Variants in MID1 observed in about 807,000 individuals in gnomAD.
MID1 encodes midline 1, also known as E3 ubiquitin-protein ligase Midline-1.
In MID1, 7 loss-of-function variants were observed where a neutral mutation model predicts 40.4. That is an observed-to-expected ratio of 0.17 (90% CI 0.10 to 0.33). The LOEUF (loss-of-function observed/expected upper bound fraction) is 0.33. MID1 is among the 10% of genes least tolerant of loss of function. MID1 has a pLI of 1.00. For synonymous variants in MID1, 229 were observed against 221.2 expected (o/e 1.04, Z -0.31); for missense variants, 367 against 558.5 (o/e 0.66, Z 3.46).
At chrX:10,823,804 T>C (rs1026111202) in intron 1 of MID1, among the ~76,000 whole-genome samples, 5 of 111,409 alleles carry the variant, frequency 4.5e-5, no homozygotes, top group Non-Finnish European at 7.5e-5. Flanking sequence ...AGCCATGAAA[T>C]GGTCTTGGAA....
At chrX:10,467,000 G>A (rs1178609057) in intron 7 of MID1, among the ~76,000 whole-genome samples, 2 of 111,692 alleles carry the variant, frequency 1.8e-5, no homozygotes, top group Non-Finnish European at 3.8e-5. Context: ...TGTGGAAGGA[G>A]AGATATTCAA....
chrX:10,807,363 A>G (rs1405439275), intron 1 of MID1, among the ~76,000 whole-genome samples: 1 of 112,442 alleles, frequency 8.9e-6, no homozygotes, highest in Non-Finnish European at 1.9e-5. Context: ...ACTTTCTATT[A>G]GCTCACAGTT....
intron 1 of MID1, among the ~76,000 whole-genome samples, chrX:10,658,196 T>C (rs190264691): frequency 9.1e-6 from 1 of 109,906 alleles, no homozygotes; most frequent in Admixed American, 9.8e-5. Flanking sequence ...ATGCTAACCA[T>C]TTGAATAGGG....
At chrX:10,604,201 G>C (rs764341079) in intron 1 of MID1, among the ~76,000 whole-genome samples, 3 of 111,109 alleles carry the variant, frequency 2.7e-5, no homozygotes, top group Non-Finnish European at 5.7e-5. Flanking sequence ...GCTAAAAACA[G>C]TCTTTTGAAA....
chrX:10,550,877 T>TCCTCATGATACCTCATGATA (rs1428823670), intron 2 of MID1, among the ~76,000 whole-genome samples: 1 of 110,831 alleles, frequency 9.0e-6, no homozygotes, highest in African/African-American at 3.3e-5. Context: ...TACCCTATGG[T>TCCTCATGATACCTCATGATA]CCTCATGATA....
Position 10,719,730 on chromosome X carries a change from G to A in MID1, c.-186-99311C>T, listed in dbSNP as rs867857749. ...TTCATATGGAACCAAAAAAGAGCCCGCATCACCAAGTCAATCCTAAGCCAA... is the reference window on the plus strand; with the variant it reads ...TTCATATGGAACCAAAAAAGAGCCCACATCACCAAGTCAATCCTAAGCCAA... On this transcript the variant is annotated intron_variant, in intron 1 of 10. Transcript: ENST00000380785. 9.3e-3 allele frequency among the ~76,000 whole-genome samples: 1,034 copies of A among 110,785 alleles called. 12 individuals carry two copies. The highest frequency in any genetic ancestry group is 0.015 in the Non-Finnish European group (789 of 52,881).
chrX:10,805,182 T>C (rs1439512507), intron 1 of MID1, among the ~76,000 whole-genome samples: 3 of 109,148 alleles, frequency 2.7e-5, no homozygotes, highest in African/African-American at 1.0e-4. Context: ...AACTTGTCAT[T>C]TAGCATTAGG....
At chrX:10,628,103 G>A (rs1385890987) in intron 1 of MID1, among the ~76,000 whole-genome samples, 1 of 110,223 alleles carries the variant, frequency 9.1e-6, no homozygotes, top group Non-Finnish European at 1.9e-5. Context: ...CATTTTTAAT[G>A]GCCAAGGAAA....
chrX:10,594,928 G>A (rs1452571672), intron 1 of MID1, among the ~76,000 whole-genome samples: 1 of 108,231 alleles, frequency 9.2e-6, no homozygotes, highest in Non-Finnish European at 1.9e-5. Context: ...TGGTTGACAT[G>A]TGATGCAATT....
chrX:10,604,333 C>T (rs1270087115), intron 1 of MID1, among the ~76,000 whole-genome samples: 2 of 111,180 alleles, frequency 1.8e-5, no homozygotes, highest in Non-Finnish European at 3.8e-5. Flanking sequence ...CATGAGAAAA[C>T]CTGAAATTTA....
chrX:10,579,935 T>C (rs1016705622), intron 1 of MID1, among the ~76,000 whole-genome samples: 1 of 109,371 alleles, frequency 9.1e-6, no homozygotes, highest in East Asian at 2.9e-4. Context: ...GAAAACAGGA[T>C]ATTAAGAACA....
At chrX:10,511,423 C>T (rs188032729) in intron 3 of MID1, among the ~76,000 whole-genome samples, 1 of 111,389 alleles carries the variant, frequency 9.0e-6, no homozygotes, top group African/African-American at 3.3e-5. Context: ...CTCTGTCACT[C>T]AGGCTGGAGT....
chrX:10,731,945 C>T (rs919762987), intron 1 of MID1, among the ~76,000 whole-genome samples: 4 of 78,303 alleles, frequency 5.1e-5, no homozygotes, highest in African/African-American at 5.5e-5. Context: ...CTGTCCTGGG[C>T]GACAGAGCAA....
chrX:10,462,573 C>T (rs570267812), intron 7 of MID1, among the ~76,000 whole-genome samples: 19 of 112,203 alleles, frequency 1.7e-4, no homozygotes, highest in Middle Eastern at 4.6e-3. Flanking sequence ...TCACCTCCTC[C>T]GACTCAGTTT....
intron 2 of MID1, among the ~76,000 whole-genome samples, chrX:10,529,520 C>G (rs1932902499): frequency 8.9e-6 from 1 of 112,158 alleles, no homozygotes; most frequent in Non-Finnish European, 1.9e-5. Flanking sequence ...TTGTTGTCAT[C>G]TCGTCCATGA....
intron 1 of MID1, among the ~76,000 whole-genome samples, chrX:10,662,658 C>G (rs763678185): frequency 8.9e-6 from 1 of 111,936 alleles, no homozygotes; most frequent in Non-Finnish European, 1.9e-5. Flanking sequence ...ATAATATATA[C>G]TGCTGATTGT....
At chrX:10,469,599 TTTCC>T in intron 7 of MID1, 94 bp downstream of exon 7, 1 of 1,210,783 alleles carries the variant, frequency 8.3e-7, no homozygotes, top group Non-Finnish European at 1.1e-6. Context: ...TTGTGTGTTC[TTTCC>T]TTCCTTGTCT....
chrX:10,623,174 C>T (rs1935955430), upstream of MID1, among the ~76,000 whole-genome samples: 1 of 105,962 alleles, frequency 9.4e-6, no homozygotes, highest in African/African-American at 3.5e-5. Context: ...TCACTTGAAC[C>T]CAGGAGGTCG....
intron 1 of MID1, among the ~76,000 whole-genome samples, chrX:10,830,491 T>C (rs1299874144): frequency 8.9e-6 from 1 of 112,766 alleles, no homozygotes; most frequent in Non-Finnish European, 1.9e-5. Flanking sequence ...CAAAAAATGT[T>C]TTTGAAAGAT....
Sources: allele counts gnomAD v4.1 joint callset (sites outside exome capture counted in the v4.1 genomes callset), GRCh38; gene constraint gnomAD v4.1.1; transcripts MANE v1.5; gene names NCBI Gene and HGNC (gene_info 2026-07-23, HGNC 2026-07-21).